AHCYL2: variants seen among roughly 807,000 people sequenced by gnomAD.
AHCYL2 encodes adenosylhomocysteinase like 2.
AHCYL2 carries 28 observed loss-of-function variants against 81.4 expected under a neutral mutation model. That is an observed-to-expected ratio of 0.34 (90% CI 0.25 to 0.47). AHCYL2 has a LOEUF of 0.47. Ranked by LOEUF, AHCYL2 falls within the 20% of genes least tolerant of loss-of-function variation. The pLI, the probability that AHCYL2 is intolerant of heterozygous loss-of-function variation, is 1.00. For synonymous variants in AHCYL2, 272 were observed against 290.2 expected, an observed-to-expected ratio of 0.94 and a Z score of 0.64; for missense variants, 551 against 785.1, an observed-to-expected ratio of 0.70 and a Z score of 3.56.
intron 11 of AHCYL2, among the ~76,000 whole-genome samples, chr7:129,413,243 G>A (rs570117041): frequency 6.8e-6 from 1 of 147,680 alleles, no homozygotes; most frequent in South Asian, 2.2e-4. Flanking sequence ...CCGGGTTCAT[G>A]CCATTCTCCT....
chr7:129,415,839 T>C (rs1006128564), intron 12 of AHCYL2, among the ~76,000 whole-genome samples: 4 of 151,892 alleles, frequency 2.6e-5, no homozygotes, highest in African/African-American at 9.7e-5. Context: ...GCACCTGTAG[T>C]ACCAGCCTGG....
intron 1 of AHCYL2, among the ~76,000 whole-genome samples, chr7:129,310,764 T>C (rs1370885729): frequency 6.6e-6 from 1 of 152,080 alleles, no homozygotes; most frequent in Non-Finnish European, 1.5e-5. Flanking sequence ...GAGTTAGAGT[T>C]GCTGGAGAGG....
intron 1 of AHCYL2, chr7:129,376,045 G>A (rs1226719081): frequency 7.8e-7 from 1 of 1,278,236 alleles, no homozygotes; most frequent in Admixed American, 2.1e-5. Flanking sequence ...CTGGCATAAG[G>A]TGAGCTACCC....
intron 1 of AHCYL2, among the ~76,000 whole-genome samples, chr7:129,284,352 C>T (rs1796551585): frequency 6.6e-6 from 1 of 151,954 alleles, no homozygotes; most frequent in South Asian, 2.1e-4. Flanking sequence ...AATCCCAGCA[C>T]TTTGGGAGGC....
intron 1 of AHCYL2, among the ~76,000 whole-genome samples, chr7:129,373,855 A>G (rs910092031): frequency 2.0e-5 from 3 of 152,222 alleles, no homozygotes; most frequent in Non-Finnish European, 4.4e-5. Context: ...TCAAGCAAGC[A>G]AATGATCTGT....
chr7:129,386,421 C>G (rs1428420394), intron 2 of AHCYL2, among the ~76,000 whole-genome samples: 1 of 151,478 alleles, frequency 6.6e-6, no homozygotes, highest in Non-Finnish European at 1.5e-5. Context: ...TGAGATCGTG[C>G]TACTGTGCTC....
At chr7:129,405,010 A>G (rs886415208) in intron 7 of AHCYL2, 87 bp from the exon 8 acceptor site, 6 of 758,684 alleles carry the variant, frequency 7.9e-6, no homozygotes, top group Admixed American at 5.5e-5. Context: ...TGCCTACCCA[A>G]TCAACGTATT....
rs746820087 is a variant in AHCYL2, at chr7:129,424,948, G to A, written c.1629+6G>A. 49 of 1,613,882 alleles carry A rather than the reference G, an allele frequency of 3.0e-5. No individual in the cohort carries two copies. Among genetic ancestry groups the A allele is most frequent in the Non-Finnish European group, 4.1e-5 (48 of 1,179,984 alleles). On this transcript the variant is annotated splice_donor_region_variant and intron_variant, in intron 14 of 16. Transcript: ENST00000325006. ...CAATCACTGCTACTACTCAGGTAAG[G>A]CTTCCAGAGTGGGATAGCAGTAGTC...
chr7:129,301,746 C>T (rs186111101), intron 1 of AHCYL2, among the ~76,000 whole-genome samples: 47 of 152,278 alleles, frequency 3.1e-4, no homozygotes, highest in South Asian at 1.7e-3. Flanking sequence ...CAGTACCATG[C>T]TGTTTTGGTT....
intron 5 of AHCYL2, among the ~76,000 whole-genome samples, chr7:129,400,061 T>A (rs1486679810): frequency 6.6e-6 from 1 of 152,134 alleles, no homozygotes; most frequent in East Asian, 1.9e-4. Context: ...GTCATACTTT[T>A]GTCCATTCTG....
chr7:129,302,888 C>T (rs183738260), intron 1 of AHCYL2, among the ~76,000 whole-genome samples: 1 of 152,162 alleles, frequency 6.6e-6, no homozygotes, highest in African/African-American at 2.4e-5. Context: ...GGAAGTATTC[C>T]TTCCACCTCC....
chr7:129,261,865 C>T (rs1795655303), intron 1 of AHCYL2, among the ~76,000 whole-genome samples: 1 of 152,092 alleles, frequency 6.6e-6, no homozygotes, highest in Non-Finnish European at 1.5e-5. Flanking sequence ...TATCTTTTCT[C>T]CTATTTCAGG....
At chr7:129,326,786 C>T (rs543460598) in intron 1 of AHCYL2, among the ~76,000 whole-genome samples, 4 of 152,078 alleles carry the variant, frequency 2.6e-5, no homozygotes, top group African/African-American at 9.6e-5. Flanking sequence ...TGGAGAGAAA[C>T]CGAGGGTAGC....
chr7:129,341,010 G>T (rs1793160321), intron 1 of AHCYL2, among the ~76,000 whole-genome samples: 1 of 152,244 alleles, frequency 6.6e-6, no homozygotes, highest in East Asian at 1.9e-4. Flanking sequence ...TGGAATCAAG[G>T]TTATGCTGGT....
chr7:129,268,874 G>A (rs1795904926), intron 1 of AHCYL2, among the ~76,000 whole-genome samples: 1 of 152,140 alleles, frequency 6.6e-6, no homozygotes, highest in Non-Finnish European at 1.5e-5. Context: ...ATACAATTCA[G>A]TGAGTGATTT....
intron 1 of AHCYL2, among the ~76,000 whole-genome samples, chr7:129,231,213 C>T (rs968073091): frequency 6.6e-6 from 1 of 151,708 alleles, no homozygotes; most frequent in East Asian, 1.9e-4. Context: ...GCGCTTCAGC[C>T]TGGCGACAGA....
intron 2 of AHCYL2, among the ~76,000 whole-genome samples, chr7:129,382,695 C>T (rs955433095): frequency 3.3e-5 from 5 of 152,012 alleles, no homozygotes; most frequent in South Asian, 2.1e-4. Flanking sequence ...CACCTGAGGC[C>T]GGGGGTTCGA....
At chr7:129,317,615 A>T (rs1359598626) in intron 1 of AHCYL2, among the ~76,000 whole-genome samples, 3 of 152,040 alleles carry the variant, frequency 2.0e-5, no homozygotes, top group Admixed American at 2.0e-4. Context: ...AGGCACTACT[A>T]CCCCTGCCTT....
chr7:129,360,141 G>A (rs556362799), intron 1 of AHCYL2, among the ~76,000 whole-genome samples: 1 of 147,378 alleles, frequency 6.8e-6, no homozygotes, highest in African/African-American at 2.5e-5. Flanking sequence ...TTGAGACGGA[G>A]TTTTGCTCTT....
Sources: allele counts gnomAD v4.1 joint callset (sites outside exome capture counted in the v4.1 genomes callset), GRCh38; gene constraint gnomAD v4.1.1; transcripts MANE v1.5; gene names NCBI Gene and HGNC (gene_info 2026-07-23, HGNC 2026-07-21).